Variants in ADK observed in about 807,000 individuals in gnomAD.
ADK encodes N6,N6-dimethyladenosine kinase.
In ADK, 24 loss-of-function variants were observed where a neutral mutation model predicts 44.7. That is an observed-to-expected ratio of 0.54 (90% confidence interval 0.39 to 0.76). The LOEUF is 0.76. Ranked by LOEUF, ADK falls within the 30% of genes least tolerant of loss-of-function variation. The pLI, the probability that ADK is intolerant of heterozygous loss-of-function variation, is 0.00. For missense variants in ADK, 321 were observed against 425.1 expected, an observed-to-expected ratio of 0.76 and a Z score of 2.15; for synonymous variants, 128 against 142.6, an observed-to-expected ratio of 0.90 and a Z score of 0.73.
At chr10:74,166,088 C>T (rs1021358531) in intron 1 of ADK, among the ~76,000 whole-genome samples, 7 of 151,902 alleles carry the variant, frequency 4.6e-5, no homozygotes, top group East Asian at 2.0e-4. Flanking sequence ...TAAGGGCATG[C>T]GCCACCACAC....
intron 2 of ADK, among the ~76,000 whole-genome samples, chr10:74,201,704 CTATCTATCTATCTATCTATCTATCTATA>C (rs1352295672): frequency 8.7e-5 from 13 of 150,194 alleles, no homozygotes; most frequent in African/African-American, 2.7e-4. Context: ...ATCTATCTAT[CTATCTATCTATCTATCTATCTATCTATA>C]TATGGTTCAG....
intron 4 of ADK, among the ~76,000 whole-genome samples, chr10:74,387,171 G>A (rs1431430503): frequency 6.6e-6 from 1 of 152,076 alleles, no homozygotes; most frequent in African/African-American, 2.4e-5. Context: ...TCCTGACCTC[G>A]TGATCCGCCT....
At chr10:74,230,027 G>A (rs2132261828) in intron 3 of ADK, among the ~76,000 whole-genome samples, 1 of 149,578 alleles carries the variant, frequency 6.7e-6, no homozygotes. Context: ...GTGACAGAAT[G>A]AGACCCTGTT....
At position 74,548,278 on chromosome 10, in the gene ADK, A is replaced by G. The variant is rs1849909922; in HGVS notation, c.726+22852A>G. Among the ~76,000 whole-genome samples the G allele has an allele frequency of 2.6e-5, 4 of 152,182 alleles. No individual in the cohort carries two copies. In the South Asian group the frequency reaches 8.3e-4, roughly 31 times the overall value. On this transcript the variant is annotated intron_variant, in intron 7 of 10. Coordinates refer to ENST00000539909, the MANE Select transcript of ADK (RefSeq NM_006721.4). The stretch of plus-strand genomic sequence containing the variant: ...TAAATAAATCTTTGTTGTAATTTTA[A>G]TTTCTGAATCTATCAAGTATTTGTT...
At chr10:74,450,910 G>A (rs1845747843) in intron 6 of ADK, among the ~76,000 whole-genome samples, 1 of 151,740 alleles carries the variant, frequency 6.6e-6, no homozygotes. Flanking sequence ...TTATCTGTAG[G>A]CCATTGGTCT....
chr10:74,596,353 G>C (rs937559748), intron 8 of ADK, among the ~76,000 whole-genome samples: 11 of 152,072 alleles, frequency 7.2e-5, no homozygotes, highest in African/African-American at 2.7e-4. Context: ...CTACTGCCTA[G>C]AGTAGTTCAG....
At chr10:74,573,182 G>A (rs1851036624) in intron 7 of ADK, among the ~76,000 whole-genome samples, 1 of 151,998 alleles carries the variant, frequency 6.6e-6, no homozygotes, top group East Asian at 1.9e-4. Flanking sequence ...CGGGTTTTTG[G>A]TGTGGATGTC....
chr10:74,470,449 TTTTGGATATATTTCCA>T (rs1369897585), intron 6 of ADK, among the ~76,000 whole-genome samples: 10 of 152,090 alleles, frequency 6.6e-5, no homozygotes, highest in African/African-American at 2.4e-4. Context: ...TTTTCAGATC[TTTTGGATATATTTCCA>T]GAAGTGAGAT....
intron 6 of ADK, among the ~76,000 whole-genome samples, chr10:74,438,076 A>T (rs1295822158): frequency 6.6e-6 from 1 of 152,100 alleles, no homozygotes; most frequent in Admixed American, 6.6e-5. Flanking sequence ...CTGTTCCTCC[A>T]TGAGCTGTTG....
chr10:74,666,098 AT>A (rs1292899750), intron 9 of ADK, among the ~76,000 whole-genome samples: 1 of 152,218 alleles, frequency 6.6e-6, no homozygotes, highest in Non-Finnish European at 1.5e-5. Flanking sequence ...TCAATTAGAT[AT>A]TGTGGCAATT....
chr10:74,642,876 A>G (rs1024585122), intron 9 of ADK, among the ~76,000 whole-genome samples: 8 of 130,146 alleles, frequency 6.1e-5, no homozygotes, highest in Admixed American at 3.6e-4. Context: ...CTCAGTCACT[A>G]TCACCCAGGC....
intron 9 of ADK, chr10:74,661,413 C>A (rs968401873): frequency 7.6e-6 from 2 of 261,630 alleles, no homozygotes; most frequent in African/African-American, 2.3e-5. Flanking sequence ...ACTCTGTGAG[C>A]CTCAGAGTCA....
chr10:74,440,236 C>T (rs1291763232), intron 6 of ADK, among the ~76,000 whole-genome samples: 1 of 152,028 alleles, frequency 6.6e-6, no homozygotes, highest in African/African-American at 2.4e-5. Flanking sequence ...TAATACATTA[C>T]ATATTTAGTT....
chr10:74,208,152 C>T (rs774535908), intron 2 of ADK, among the ~76,000 whole-genome samples: 20 of 152,270 alleles, frequency 1.3e-4, no homozygotes, highest in Non-Finnish European at 2.6e-4. Flanking sequence ...ACAGGCACTT[C>T]TGAGTCTGCA....
intron 1 of ADK, among the ~76,000 whole-genome samples, chr10:74,153,615 A>G (rs115064101): frequency 0.013 from 1,953 of 152,308 alleles, 49 homozygotes; most frequent in African/African-American, 0.045. Flanking sequence ...TGTGCTCTAT[A>G]TATGTTATCT....
chr10:74,547,127 T>A (rs1849849229), intron 7 of ADK, among the ~76,000 whole-genome samples: 2 of 152,150 alleles, frequency 1.3e-5, no homozygotes, highest in African/African-American at 4.8e-5. Flanking sequence ...CAGAGTTCTC[T>A]CCTACTACAC....
chr10:74,410,954 A>G (rs1355092062), intron 6 of ADK, among the ~76,000 whole-genome samples: 1 of 152,148 alleles, frequency 6.6e-6, no homozygotes, highest in Non-Finnish European at 1.5e-5. Context: ...ATTATTAAAG[A>G]GGTGGGATAG....
intron 6 of ADK, among the ~76,000 whole-genome samples, chr10:74,482,456 C>G (rs897587587): frequency 6.6e-6 from 1 of 152,198 alleles, no homozygotes; most frequent in Non-Finnish European, 1.5e-5. Flanking sequence ...GGTGGGGACA[C>G]AGAACTAAAC....
At chr10:74,704,522 A>G (rs1051082625) in intron 10 of ADK, among the ~76,000 whole-genome samples, 6 of 152,130 alleles carry the variant, frequency 3.9e-5, no homozygotes, top group Non-Finnish European at 8.8e-5. Flanking sequence ...TAGTATCTGT[A>G]TTTCATTTTA....
Sources: gnomAD v4.1 joint callset for allele counts (sites outside exome capture counted in the v4.1 genomes callset) on GRCh38, gnomAD v4.1.1 for gene constraint, MANE v1.5 for transcripts, NCBI Gene and HGNC (gene_info 2026-07-23, HGNC 2026-07-21) for gene names.